The following CASC3 variants were observed in gnomAD, a reference collection of about 807,000 sequenced individuals.
The protein encoded by CASC3 is protein CASC3.
In CASC3, 30 loss-of-function variants were observed where a neutral mutation model predicts 80.5. The observed-to-expected ratio is 0.37, with a 90% CI of 0.28 to 0.51. CASC3 has a LOEUF of 0.51. Ranked by LOEUF, CASC3 falls within the 20% of genes least tolerant of loss-of-function variation. The pLI is 0.94. For synonymous variants in CASC3, 312 were observed against 333.6 expected, an observed-to-expected ratio of 0.94 and a Z score of 0.70; for missense variants, 824 against 922.2, an observed-to-expected ratio of 0.89 and a Z score of 1.38.
chr17:40,167,671 C>A (rs191588369), intron 9 of CASC3, 59 bp downstream of exon 9: 10 of 1,390,486 alleles, frequency 7.2e-6, no homozygotes, highest in Admixed American at 1.7e-5. Context: ...AAGTAAGATA[C>A]CAGGCTCCTG....
intron 3 of CASC3, among the ~76,000 whole-genome samples, chr17:40,151,194 C>A (rs1988998161): frequency 6.6e-6 from 1 of 151,864 alleles, no homozygotes; most frequent in Admixed American, 6.6e-5. Flanking sequence ...CATAGTGAGA[C>A]CTCATCTCTT....
chr17:40,166,960 T>A, intron 8 of CASC3, 99 bp downstream of exon 8: 1 of 876,204 alleles, frequency 1.1e-6, no homozygotes, highest in Non-Finnish European at 1.7e-6. Flanking sequence ...TTTTCTTTTC[T>A]TTCTTTCTTT....
Position 40,161,211 on chromosome 17 carries a change from C to T in CASC3, c.298-542C>T, listed in dbSNP as rs1429000303. Among the ~76,000 whole-genome samples the T allele has an allele frequency of 2.0e-5, 3 of 152,146 alleles. No homozygotes were observed. In the South Asian group the frequency reaches 6.2e-4, roughly 32 times the overall value. ...GCCAGGTTGGTCTCACACTCCTGAC[C>T]GCAGGTGATCTGCCTGCATTGGCCT... On this transcript the variant is annotated intron_variant, in intron 3 of 13. Coordinates refer to ENST00000264645, the MANE Select transcript of CASC3 (RefSeq NM_007359.5).
intron 3 of CASC3, among the ~76,000 whole-genome samples, chr17:40,145,362 C>T (rs946239083): frequency 2.1e-4 from 32 of 150,894 alleles, no homozygotes; most frequent in Non-Finnish European, 3.8e-4. Context: ...TTAGTAGAGA[C>T]GGGGTTCCAC....
At chr17:40,141,043 G>A (rs1372363041) in intron 1 of CASC3, 164 bp from the exon 2 acceptor site, 5 of 696,330 alleles carry the variant, frequency 7.2e-6, no homozygotes, top group Non-Finnish European at 1.2e-5. Flanking sequence ...TGGAGGGAAG[G>A]AGACCAGACC....
chr17:40,161,966 C>A (rs1201575753), intron 4 of CASC3, 36 bp from the exon 5 acceptor site: 5 of 1,612,474 alleles, frequency 3.1e-6, no homozygotes, highest in Non-Finnish European at 3.4e-6. Context: ...ATTCTTGAGG[C>A]TTGGAAGAGT....
At position 40,140,543 on chromosome 17, in the gene CASC3, C is replaced by G; in HGVS notation, c.-6C>G. The stretch of plus-strand genomic sequence containing the variant: ...TACCTCGCCGGTGGTGGCCGTTCTC[C>G]GTAAGATGGCGGACCGGCGGCGGCA... On this transcript the variant is annotated 5_prime_UTR_variant, in exon 1 of 14. Coordinates refer to ENST00000264645, the MANE Select transcript of CASC3 (RefSeq NM_007359.5). The G allele has an allele frequency of 3.1e-6, 5 of 1,606,084 alleles. No individual in the cohort carries two copies. The highest frequency in any genetic ancestry group is 4.2e-6 in the Non-Finnish European group (5 of 1,179,648).
chr17:40,169,742 C>CTTTTTTTTGTTTTTTTTTTT (rs1989547383), intron 13 of CASC3, 80 bp downstream of exon 13: 1 of 91,808 alleles, frequency 1.1e-5, no homozygotes, highest in African/African-American at 8.5e-5. Context: ...TTAATTAATG[C>CTTTTTTTTGTTTTTTTTTTT]TTTTTTTTTT....
intron 6 of CASC3, 121 bp from the exon 7 acceptor site, chr17:40,163,360 C>G (rs536688165): frequency 2.6e-6 from 2 of 777,518 alleles, no homozygotes; most frequent in Admixed American, 5.6e-5. Context: ...GTCTTGAACT[C>G]CTGGCCTCAA....
chr17:40,166,498 C>G lies in CASC3; in HGVS notation c.1472-299C>G, dbSNP rs1989451931. ...ATGTAATGTGCTAATTATAATCTCT[C>G]AGGGATTCTATGCAGGGAACAATTT... On this transcript the variant is annotated intron_variant, in intron 7 of 13. Coordinates refer to ENST00000264645, the MANE Select transcript of CASC3 (RefSeq NM_007359.5). Among the ~76,000 whole-genome samples, 3 of 152,056 alleles carry G rather than the reference C, an allele frequency of 2.0e-5. No homozygotes were observed. In the South Asian group the frequency reaches 6.2e-4, roughly 31 times the overall value.
At chr17:40,158,758 A>G (rs939795741) in intron 3 of CASC3, among the ~76,000 whole-genome samples, 3 of 152,114 alleles carry the variant, frequency 2.0e-5, no homozygotes, top group Admixed American at 2.0e-4. Context: ...CTGAAATGTG[A>G]TGGTTGTACA....
chr17:40,147,647 G>A (rs1337022720), intron 3 of CASC3, among the ~76,000 whole-genome samples: 2 of 151,976 alleles, frequency 1.3e-5, no homozygotes, highest in African/African-American at 4.8e-5. Context: ...CCCTGACTCA[G>A]AAAAAGAAAA....
At position 40,162,071 on chromosome 17, in the gene CASC3, C is replaced by A. The variant is rs373969027; in HGVS notation, c.526C>A (p.Arg176=). Residue 176 remains arginine (R), a synonymous_variant, in exon 5 of 14, where the codon CGG becomes AGG. Coordinates refer to ENST00000264645, the MANE Select transcript of CASC3 (RefSeq NM_007359.5). ...TAAGCATTTGGATGATGATGAAGAT[C>A]GGAAGAATCCAGCATACATACCTCG... ...GPKHLDDDED[R]KNPAYIPRKG... 1.2e-6 allele frequency: 2 copies of A among 1,614,022 alleles called. No individual in the cohort carries two copies. Among genetic ancestry groups the A allele is most frequent in the South Asian group, 1.1e-5 (1 of 91,072 alleles).
chr17:40,146,836 G>A (rs560141626), intron 3 of CASC3, among the ~76,000 whole-genome samples: 3 of 152,186 alleles, frequency 2.0e-5, no homozygotes, highest in African/African-American at 7.2e-5. Context: ...TCCCACCTTG[G>A]CCTCCCAAAG....
chr17:40,163,721 T>A lies in CASC3; in HGVS notation c.1026T>A (p.Thr342=), dbSNP rs776169377. 2.5e-6 allele frequency: 4 copies of A among 1,614,026 alleles called. No homozygotes were observed. In the African/African-American group the frequency reaches 5.3e-5, roughly 22 times the overall value. ...AGCATGGTGGCCGGTCTGGTGAGACTGTTAAGCATGAGATTAGTTACCGGT... is the reference window on the plus strand; with the variant it reads ...AGCATGGTGGCCGGTCTGGTGAGACAGTTAAGCATGAGATTAGTTACCGGT... The part of the protein sequence containing the change: ...GGQHGGRSGE[T]VKHEISYRSR... The change falls in exon 7 of 14, where the codon ACT becomes ACA. Residue 342 remains threonine, a synonymous_variant. Transcript: ENST00000264645.
intron 8 of CASC3, 101 bp from the exon 9 acceptor site, chr17:40,167,397 C>A (rs915771910): frequency 1.4e-6 from 1 of 724,272 alleles, no homozygotes; most frequent in Non-Finnish European, 2.4e-6. Flanking sequence ...CCATTAAATA[C>A]CTGCCATGTA....
chr17:40,161,667 T>G, intron 3 of CASC3, 86 bp from the exon 4 acceptor site: 1 of 1,193,570 alleles, frequency 8.4e-7, no homozygotes, highest in South Asian at 1.4e-5. Context: ...TGACAGAGAC[T>G]TTGTTTTGGG....
In CASC3 at chr17:40,167,630, G is replaced by A; in HGVS notation, c.1651+18G>A. 6.3e-7 allele frequency: 1 copy of A among 1,582,382 alleles called. No individual in the cohort carries two copies. Among genetic ancestry groups the A allele is most frequent in the Non-Finnish European group, 8.7e-7 (1 of 1,151,578 alleles). ...TGATCCACGTGAGTTTTTTCTTACT[G>A]TTGGGGTACTTTTCTTGGCAGGGTG... On this transcript the variant is annotated intron_variant, in intron 9 of 13. Coordinates refer to ENST00000264645, the MANE Select transcript of CASC3 (RefSeq NM_007359.5).
Position 40,170,546 on chromosome 17 carries a change from A to AAAGAGGAGGACCC in CASC3, c.*142_*154dup. 1.0e-6 allele frequency: 1 copy of AAAGAGGAGGACCC among 985,588 alleles called. No homozygotes were observed. Among genetic ancestry groups the AAAGAGGAGGACCC allele is most frequent in the Non-Finnish European group, 1.2e-6 (1 of 829,976 alleles). 61.1% of individuals were successfully genotyped at this position (985,588 alleles called of 1,614,324 possible). On this transcript the variant is annotated 3_prime_UTR_variant, in exon 14 of 14. Coordinates refer to ENST00000264645, the MANE Select transcript of CASC3 (RefSeq NM_007359.5). ...TGTGGCTCCTACCAGCAAACAGCTG[A>AAAGAGGAGGACCC]AAGAGGAGGACCCCTGCCTTCCTCT...
Sources: gnomAD v4.1 joint callset for allele counts (sites outside exome capture counted in the v4.1 genomes callset) on GRCh38, gnomAD v4.1.1 for gene constraint, MANE v1.5 for transcripts, NCBI Gene and HGNC (gene_info 2026-07-23, HGNC 2026-07-21) for gene names.